GPR149: variants seen among roughly 807,000 people sequenced by gnomAD.
The protein encoded by GPR149 is probable G protein-coupled receptor 149.
In GPR149, 50 loss-of-function variants were observed where a neutral mutation model predicts 50.2. The ratio of observed to expected loss-of-function variants is 1.00; its 90% CI spans 0.79 to 1.26. The LOEUF is 1.26. Ranked by LOEUF, GPR149 falls within the 50% of genes most tolerant of loss-of-function variation. GPR149 has a pLI of 0.00. For synonymous variants in GPR149, 405 were observed against 358.2 expected, an observed-to-expected ratio of 1.13 and a Z score of -1.48; for missense variants, 983 against 895.4, an observed-to-expected ratio of 1.10 and a Z score of -1.25.
chr3:154,413,243 CA>C (rs2108424978), intron 3 of GPR149, among the ~76,000 whole-genome samples: 1 of 152,018 alleles, frequency 6.6e-6, no homozygotes, highest in African/African-American at 2.4e-5. Flanking sequence ...TTGGGTTAGG[CA>C]AAGTCTTAAT....
chr3:154,358,445 T>C (rs1052898560), intron 3 of GPR149, among the ~76,000 whole-genome samples: 3 of 151,854 alleles, frequency 2.0e-5, no homozygotes, highest in Non-Finnish European at 2.9e-5. Context: ...GTATAAAAGC[T>C]CTTCTAAAAA....
At chr3:154,410,831 G>A (rs1223132233) in intron 3 of GPR149, among the ~76,000 whole-genome samples, 16 of 151,976 alleles carry the variant, frequency 1.1e-4, no homozygotes. Context: ...CTATATCCTA[G>A]AACAAATGGA....
chr3:154,353,609 A>T (rs1241244270), intron 3 of GPR149: 2 of 1,283,456 alleles, frequency 1.6e-6, no homozygotes, highest in Non-Finnish European at 2.3e-6. Context: ...CACCATAAAA[A>T]CACACCATGC....
intron 3 of GPR149, among the ~76,000 whole-genome samples, chr3:154,363,830 C>CCCCAGACTCAGCCT (rs370829302): frequency 0.013 from 1,960 of 152,246 alleles, 43 homozygotes; most frequent in African/African-American, 0.045. Context: ...CCCATAAAAA[C>CCCCAGACTCAGCCT]CCCAGATGAC....
chr3:154,411,242 C>G (rs4374493), intron 3 of GPR149, among the ~76,000 whole-genome samples: 145,817 of 152,234 alleles, frequency 0.96, 69,936 homozygotes, highest in East Asian at 1. Flanking sequence ...CAAAAATTCT[C>G]AAAGAACACA....
At chr3:154,424,914 A>G (rs1409701378) in intron 2 of GPR149, among the ~76,000 whole-genome samples, 1 of 151,446 alleles carries the variant, frequency 6.6e-6, no homozygotes, top group Admixed American at 6.6e-5. Context: ...TCTGTTTTTT[A>G]TACAATGTGT....
At chr3:154,352,218 G>C in intron 3 of GPR149, 1 of 896,130 alleles carries the variant, frequency 1.1e-6, no homozygotes, top group Admixed American at 2.4e-5. Context: ...TCGACTTCCT[G>C]AGTGACTCCC....
At chr3:154,373,311 C>T (rs1189790006) in intron 3 of GPR149, among the ~76,000 whole-genome samples, 1 of 152,094 alleles carries the variant, frequency 6.6e-6, no homozygotes, top group Non-Finnish European at 1.5e-5. Context: ...TCATTGATCC[C>T]TGGAAGAGCA....
intron 3 of GPR149, among the ~76,000 whole-genome samples, chr3:154,414,533 CAA>C (rs1220475846): frequency 6.6e-6 from 1 of 151,834 alleles, no homozygotes; most frequent in Non-Finnish European, 1.5e-5. Flanking sequence ...TTCATAACCT[CAA>C]AATGTCTCTC....
At chr3:154,413,910 C>T (rs1711912703) in intron 3 of GPR149, among the ~76,000 whole-genome samples, 1 of 149,850 alleles carries the variant, frequency 6.7e-6, no homozygotes, top group Non-Finnish European at 1.5e-5. Context: ...GCCCAAAAGC[C>T]CAACAATCAA....
intron 3 of GPR149, among the ~76,000 whole-genome samples, chr3:154,365,320 C>T (rs1714504282): frequency 6.6e-6 from 1 of 152,138 alleles, no homozygotes; most frequent in East Asian, 1.9e-4. Context: ...CTTCAAGTCT[C>T]TGGTATTCTT....
Position 154,421,215 on chromosome 3 carries a change from G to C in GPR149, c.1447C>G (p.Gln483Glu), listed in dbSNP as rs1712133241. The C allele has an allele frequency of 6.2e-7, 1 of 1,613,358 alleles. No individual in the cohort carries two copies. Among genetic ancestry groups the C allele is most frequent in the Non-Finnish European group, 8.5e-7 (1 of 1,179,610 alleles). The change falls in exon 3 of 4, where the codon CAG (glutamine) becomes GAG (glutamate). Residue 483 changes from glutamine (Q) to glutamate (E), a missense_variant. Transcript: ENST00000389740. ...GCATCCTTTTTGTTGTTGGAATCCT[G>C]TTTAGCTTCTGTAATATCAGTATTT... ...CTNTDITEAKQDSNNKKDAFS... is the reference protein window; with the variant it reads ...CTNTDITEAKEDSNNKKDAFS...
At chr3:154,343,489 G>GAAGC (rs1268381833) in intron 3 of GPR149, among the ~76,000 whole-genome samples, 14 of 152,144 alleles carry the variant, frequency 9.2e-5, no homozygotes, top group African/African-American at 3.1e-4. Context: ...GCTGATGCTG[G>GAAGC]ATGCTGGTAG....
intron 3 of GPR149, among the ~76,000 whole-genome samples, chr3:154,347,378 CA>C (rs1447833702): frequency 2.0e-5 from 3 of 151,944 alleles, no homozygotes; most frequent in Non-Finnish European, 4.4e-5. Flanking sequence ...AAGTGCTGAG[CA>C]AAAGGGGGAA....
intron 3 of GPR149, among the ~76,000 whole-genome samples, chr3:154,417,234 A>C (rs754841053): frequency 2.0e-5 from 3 of 152,028 alleles, no homozygotes; most frequent in Non-Finnish European, 4.4e-5. Context: ...TAAACTGCTT[A>C]GATTTCTACT....
intron 2 of GPR149, among the ~76,000 whole-genome samples, chr3:154,421,972 T>G (rs1712159111): frequency 6.6e-6 from 1 of 151,756 alleles, no homozygotes; most frequent in African/African-American, 2.4e-5. Context: ...TTAAAATATT[T>G]TGGTATATAA....
intron 3 of GPR149, among the ~76,000 whole-genome samples, chr3:154,350,180 A>G (rs991172996): frequency 5.9e-5 from 9 of 152,138 alleles, no homozygotes; most frequent in African/African-American, 1.7e-4. Flanking sequence ...TCAGTGACAG[A>G]GTGAAACCCT....
intron 3 of GPR149, among the ~76,000 whole-genome samples, chr3:154,355,740 C>T (rs980221132): frequency 6.6e-6 from 1 of 151,966 alleles, no homozygotes; most frequent in Non-Finnish European, 1.5e-5. Flanking sequence ...ATGATAAGCA[C>T]TCATTCAATT....
At chr3:154,377,350 TTATTATTATTA>T (rs1292024396) in intron 3 of GPR149, among the ~76,000 whole-genome samples, 1 of 103,578 alleles carries the variant, frequency 9.7e-6, no homozygotes, top group Non-Finnish European at 2.0e-5. Flanking sequence ...TGCTCTGTAA[TTATTATTATTA>T]TTATTATTAT....
Sources: allele counts gnomAD v4.1 joint callset (sites outside exome capture counted in the v4.1 genomes callset), GRCh38; gene constraint gnomAD v4.1.1; transcripts MANE v1.5; gene names NCBI Gene and HGNC (gene_info 2026-07-23, HGNC 2026-07-21).